HSD17B12: variants seen among roughly 807,000 people sequenced by gnomAD.
HSD17B12 encodes the protein very-long-chain 3-oxoacyl-CoA reductase.
In HSD17B12, 32 loss-of-function variants were observed where a neutral mutation model predicts 39.3. The ratio of observed to expected loss-of-function variants is 0.81; its 90% CI spans 0.61 to 1.09. The LOEUF is 1.09. HSD17B12 is among the 50% of genes least tolerant of loss of function. The pLI is 0.00. For synonymous variants in HSD17B12, 150 were observed against 146.7 expected (o/e 1.02, Z -0.16); for missense variants, 342 against 382.9 (o/e 0.89, Z 0.89).
intron 6 of HSD17B12, among the ~76,000 whole-genome samples, chr11:43,829,539 TC>T (rs1951286445): frequency 6.6e-6 from 1 of 151,968 alleles, no homozygotes. Context: ...CTCCTGATAT[TC>T]CCCCATCTCC....
intron 6 of HSD17B12, among the ~76,000 whole-genome samples, chr11:43,821,184 C>A (rs865793979): frequency 3.3e-5 from 5 of 152,200 alleles, no homozygotes; most frequent in African/African-American, 1.2e-4. Flanking sequence ...TCTTATCCAG[C>A]ATTTTGAGTT....
In HSD17B12 at chr11:43,680,980, A is replaced by G. The variant is rs56168061; in HGVS notation, c.153A>G (p.Glu51=). ...CGGGGGTCGGCCCGGGGCTCGGAGAATGGGCAGGTGAGTCGGATGCAGCGC... is the reference window on the plus strand; with the variant it reads ...CGGGGGTCGGCCCGGGGCTCGGAGAGTGGGCAGGTGAGTCGGATGCAGCGC... The part of the protein sequence containing the change: ...NEAGVGPGLG[E]WAVVTGSTDG... Residue 51 remains glutamate (E), a synonymous_variant, in exon 1 of 11, where the codon GAA becomes GAG. Transcript: ENST00000278353. 0.2 allele frequency: 312,688 copies of G among 1,600,752 alleles called. 32,919 individuals carry two copies. The highest frequency in any genetic ancestry group is 0.22 in the Middle Eastern group (1,272 of 5,814).
the HSD17B12 span, among the ~76,000 whole-genome samples, chr11:43,580,072 G>GA: frequency 6.6e-6 from 1 of 151,704 alleles, no homozygotes; most frequent in Non-Finnish European, 1.5e-5. Context: ...CTAATGGGGG[G>GA]GGGGAGGGGC....
chr11:43,768,306 TTTAA>T (rs1476892956), intron 3 of HSD17B12, among the ~76,000 whole-genome samples: 1 of 152,254 alleles, frequency 6.6e-6, no homozygotes, highest in African/African-American at 2.4e-5. Context: ...TATTATATTA[TTTAA>T]TTGATATATA....
At chr11:43,805,603 C>G (rs1354249808) in intron 4 of HSD17B12, among the ~76,000 whole-genome samples, 1 of 152,122 alleles carries the variant, frequency 6.6e-6, no homozygotes, top group Non-Finnish European at 1.5e-5. Flanking sequence ...GGCTATTATT[C>G]TAGGTATATA....
At chr11:43,691,027 T>C (rs1052505735) in intron 1 of HSD17B12, among the ~76,000 whole-genome samples, 3 of 152,240 alleles carry the variant, frequency 2.0e-5, no homozygotes, top group African/African-American at 7.2e-5. Context: ...TATTCCCTTC[T>C]AGATGATTAT....
the HSD17B12 span, among the ~76,000 whole-genome samples, chr11:43,563,365 G>A: frequency 7.2e-5 from 11 of 152,280 alleles, no homozygotes; most frequent in East Asian, 1.5e-3. Context: ...TAAAGCCCTC[G>A]CCTGAACAAT....
the HSD17B12 span, among the ~76,000 whole-genome samples, chr11:43,577,479 A>G: frequency 6.6e-6 from 1 of 152,180 alleles, no homozygotes; most frequent in African/African-American, 2.4e-5. Context: ...GCCAGGCACT[A>G]TCCGGGTCTC....
At chr11:43,559,231 G>A in the HSD17B12 span, among the ~76,000 whole-genome samples, 2 of 152,234 alleles carry the variant, frequency 1.3e-5, no homozygotes, top group African/African-American at 2.4e-5. Flanking sequence ...TAAATGCTGT[G>A]GGGGAAGTGG....
chr11:43,659,235 A>T, the HSD17B12 span, among the ~76,000 whole-genome samples: 5 of 152,232 alleles, frequency 3.3e-5, no homozygotes, highest in Non-Finnish European at 7.3e-5. Flanking sequence ...TGTTAAGCCC[A>T]TCGGAAGAGC....
At position 43,754,092 on chromosome 11, in the gene HSD17B12, A is replaced by G; in HGVS notation, c.254A>G (p.Asp85Gly). 6.2e-7 allele frequency: 1 copy of G among 1,612,324 alleles called. No individual in the cohort carries two copies. Among genetic ancestry groups the G allele is most frequent in the Non-Finnish European group, 8.5e-7 (1 of 1,178,890 alleles). ...MKVVLISRSK[D>G]KLDQVSSEIK... ...GTTGTCCTTATCAGCAGATCAAAGG[A>G]TAAACTTGACCAGGTTTCCAGTGAA... The change falls in exon 3 of 11, where the codon GAT (aspartate) becomes GGT (glycine). Residue 85 changes from aspartate to glycine, a missense_variant. Coordinates refer to ENST00000278353, the MANE Select transcript of HSD17B12 (RefSeq NM_016142.3).
chr11:43,734,767 G>C (rs1590704444), intron 1 of HSD17B12, among the ~76,000 whole-genome samples: 1 of 152,226 alleles, frequency 6.6e-6, no homozygotes, highest in Non-Finnish European at 1.5e-5. Flanking sequence ...AGAAATTCAA[G>C]TAAAATTCTC....
chr11:43,567,234 G>A, the HSD17B12 span, among the ~76,000 whole-genome samples: 1 of 152,094 alleles, frequency 6.6e-6, no homozygotes, highest in African/African-American at 2.4e-5. Context: ...AGAATGACTG[G>A]AAAGCTAGAA....
At chr11:43,702,827 T>A (rs557668079) in intron 1 of HSD17B12, among the ~76,000 whole-genome samples, 2 of 152,314 alleles carry the variant, frequency 1.3e-5, no homozygotes, top group Non-Finnish European at 2.9e-5. Flanking sequence ...TTCTTTTTTT[T>A]AAGCTCATCA....
intron 3 of HSD17B12, among the ~76,000 whole-genome samples, chr11:43,770,334 G>T (rs1337295517): frequency 6.6e-6 from 1 of 152,212 alleles, no homozygotes; most frequent in African/African-American, 2.4e-5. Context: ...AGATGGGAAT[G>T]CTCCTGTCAA....
At chr11:43,822,264 T>C (rs1951190267) in intron 6 of HSD17B12, among the ~76,000 whole-genome samples, 1 of 152,208 alleles carries the variant, frequency 6.6e-6, no homozygotes, top group African/African-American at 2.4e-5. Flanking sequence ...TATTTGGGAA[T>C]GGGGAAGAGC....
chr11:43,708,601 A>G (rs1415768980), intron 1 of HSD17B12, among the ~76,000 whole-genome samples: 1 of 152,236 alleles, frequency 6.6e-6, no homozygotes, highest in Non-Finnish European at 1.5e-5. Context: ...CCACATTCTC[A>G]TGGAGATGTC....
At chr11:43,653,735 A>C in the HSD17B12 span, among the ~76,000 whole-genome samples, 36 of 152,162 alleles carry the variant, frequency 2.4e-4, no homozygotes, top group Non-Finnish European at 2.8e-4. Context: ...TGAACTCATC[A>C]TTTTTTATGG....
intron 1 of HSD17B12, among the ~76,000 whole-genome samples, chr11:43,684,598 C>G (rs1217791966): frequency 6.6e-6 from 1 of 152,106 alleles, no homozygotes; most frequent in Non-Finnish European, 1.5e-5. Context: ...ACTCTGAGCA[C>G]TTATTTTTAG....
Sources: gnomAD v4.1 joint callset for allele counts (sites outside exome capture counted in the v4.1 genomes callset) on GRCh38, gnomAD v4.1.1 for gene constraint, MANE v1.5 for transcripts, NCBI Gene and HGNC (gene_info 2026-07-23, HGNC 2026-07-21) for gene names.